The following MED15 variants were observed in gnomAD, a reference collection of about 807,000 sequenced individuals.
MED15 encodes the protein mediator of RNA polymerase II transcription subunit 15.
A neutral mutation model predicts 118.7 loss-of-function variants in MED15; 41 were observed. That is an observed-to-expected ratio of 0.35 (90% CI 0.27 to 0.45). The LOEUF is 0.45. MED15 is among the 20% of genes least tolerant of loss of function. MED15 has a pLI of 1.00. For synonymous variants in MED15, 436 were observed against 413.9 expected (o/e 1.05, Z -0.65); for missense variants, 740 against 1,025.5 (o/e 0.72, Z 3.80).
chr22:20,568,669 C>G, intron 8 of MED15, 38 bp downstream of exon 8: 1 of 1,601,634 alleles, frequency 6.2e-7, no homozygotes, highest in South Asian at 1.1e-5. Flanking sequence ...TAGTCATCAG[C>G]AGGTGCATGT....
intron 5 of MED15, among the ~76,000 whole-genome samples, chr22:20,563,444 ATAT>A (rs1366744267): frequency 1.3e-5 from 2 of 152,236 alleles, no homozygotes; most frequent in African/African-American, 2.4e-5. Context: ...CATTTTTGAA[ATAT>A]TATGTATAAT....
intron 2 of MED15, among the ~76,000 whole-genome samples, chr22:20,544,089 G>A (rs1460887014): frequency 6.6e-6 from 1 of 152,094 alleles, no homozygotes; most frequent in African/African-American, 2.4e-5. Flanking sequence ...GTTTTTGATA[G>A]TATATGTATT....
chr22:20,564,787 G>A (rs373983131), intron 6 of MED15, 99 bp downstream of exon 6: 18 of 1,564,230 alleles, frequency 1.2e-5, no homozygotes, highest in African/African-American at 1.4e-5. Flanking sequence ...GGAGCCAGCC[G>A]AGGGTTCTCT....
intron 8 of MED15, 57 bp downstream of exon 8, chr22:20,568,688 G>C (rs2056532608): frequency 1.3e-6 from 2 of 1,580,750 alleles, no homozygotes; most frequent in African/African-American, 2.7e-5. Flanking sequence ...GTTCACCTGC[G>C]CATGTAGTGC....
At chr22:20,575,908 C>CGTGGCCAAT (rs1299794374) in intron 9 of MED15, among the ~76,000 whole-genome samples, 2 of 152,274 alleles carry the variant, frequency 1.3e-5, no homozygotes, top group African/African-American at 4.8e-5. Flanking sequence ...GACTCCAGAA[C>CGTGGCCAAT]GTGGCCAATG....
At chr22:20,515,274 A>C (rs1601439209) in intron 1 of MED15, among the ~76,000 whole-genome samples, 1 of 152,298 alleles carries the variant, frequency 6.6e-6, no homozygotes, top group Middle Eastern at 3.4e-3. Flanking sequence ...TTGTCAGTAG[A>C]TGTACATGTT....
At chr22:20,526,926 G>A (rs1312362004) in intron 1 of MED15, among the ~76,000 whole-genome samples, 1 of 152,174 alleles carries the variant, frequency 6.6e-6, no homozygotes, top group Non-Finnish European at 1.5e-5. Flanking sequence ...CATTCTGCCA[G>A]CTTCCTGAGA....
intron 3 of MED15, 168 bp from the exon 4 acceptor site, chr22:20,552,977 G>A (rs1030897367): frequency 1.6e-6 from 1 of 620,616 alleles, no homozygotes. Context: ...TCTCTTGTGG[G>A]GTCAGCGCTG....
chr22:20,511,239 C>T (rs1001454277), intron 1 of MED15, among the ~76,000 whole-genome samples: 1 of 151,988 alleles, frequency 6.6e-6, no homozygotes, highest in Non-Finnish European at 1.5e-5. Context: ...CTTGTGGCAC[C>T]GTGACTCACA....
chr22:20,571,556 T>A (rs922504044), intron 8 of MED15, among the ~76,000 whole-genome samples: 8 of 152,262 alleles, frequency 5.3e-5, no homozygotes, highest in African/African-American at 1.9e-4. Context: ...CTTGAAATTC[T>A]GTAACCCGCA....
At chr22:20,531,938 C>G (rs1003653867) in intron 1 of MED15, among the ~76,000 whole-genome samples, 7 of 152,192 alleles carry the variant, frequency 4.6e-5, no homozygotes, top group African/African-American at 1.7e-4. Context: ...AGGCAATGTG[C>G]CAGGTAGTAG....
At chr22:20,557,830 G>T (rs1276211916) in intron 5 of MED15, among the ~76,000 whole-genome samples, 1 of 152,220 alleles carries the variant, frequency 6.6e-6, no homozygotes, top group Non-Finnish European at 1.5e-5. Flanking sequence ...GTGGGGGCTG[G>T]GCACGGTGGC....
chr22:20,531,036 C>T (rs1030275060), intron 1 of MED15, among the ~76,000 whole-genome samples: 1 of 152,132 alleles, frequency 6.6e-6, no homozygotes, highest in Non-Finnish European at 1.5e-5. Context: ...CAGGGCTACC[C>T]GTGAGGTCGG....
rs766068847 is a variant in MED15 at position 20,566,586 on chromosome 22, T to G, written c.810T>G (p.Ile270Met). ...AGGCTTTGCAGGCCCAGCCACCAAT[T>G]CAGCAGCCACCGATGCAGCAGCCAC... Reference protein sequence around the residue: ...QQQALQAQPPIQQPPMQQPQP... With the variant: ...QQQALQAQPPMQQPPMQQPQP... The change falls in exon 7 of 18, where the codon ATT becomes ATG. Residue 270 changes from isoleucine (I) to methionine (M), a missense_variant. By Grantham distance (10) the Ile-to-Met change is conservative. This residue lies in a region of MED15 where 384 missense variants were observed against 506.3 expected (regional missense o/e 0.76). Coordinates refer to ENST00000263205, the MANE Select transcript of MED15 (RefSeq NM_001003891.3). The G allele has an allele frequency of 2.5e-6, 4 of 1,613,442 alleles. No individual in the cohort carries two copies. Among genetic ancestry groups the G allele is most frequent in the East Asian group, 2.2e-5 (1 of 44,868 alleles).
chr22:20,579,316 A>T (rs1349003088), intron 9 of MED15, among the ~76,000 whole-genome samples: 1 of 152,156 alleles, frequency 6.6e-6, no homozygotes, highest in African/African-American at 2.4e-5. Context: ...ACACCTGGGC[A>T]CAGGGCCTGG....
At chr22:20,582,535 C>T (rs539857070) in intron 9 of MED15, 76 bp from the exon 10 acceptor site, 60 of 1,531,600 alleles carry the variant, frequency 3.9e-5, no homozygotes, top group East Asian at 3.9e-4. Context: ...TGGGCCTATG[C>T]GTGCGGTGGG....
In MED15 at chr22:20,523,791, G is replaced by A. The variant is rs746714493; in HGVS notation, c.69-13326G>A. On this transcript the variant is annotated intron_variant, in intron 1 of 17. Coordinates refer to ENST00000263205, the MANE Select transcript of MED15 (RefSeq NM_001003891.3). ...AGATTGGAGTATGTGAAGGAAGCTCGTGTATTCTTCTGAACTAGCTTAGAC... is the reference window on the plus strand; with the variant it reads ...AGATTGGAGTATGTGAAGGAAGCTCATGTATTCTTCTGAACTAGCTTAGAC... The A allele has an allele frequency of 5.0e-5, 49 of 985,324 alleles. 1 individual carries two copies. The Admixed American group carries it at 1.8e-3, about 37-fold the overall frequency. 61.0% of individuals were successfully genotyped at this position (985,324 alleles called of 1,614,324 possible).
chr22:20,581,529 G>A (rs961988881), intron 9 of MED15, among the ~76,000 whole-genome samples: 3 of 152,164 alleles, frequency 2.0e-5, no homozygotes, highest in Non-Finnish European at 2.9e-5. Context: ...TAGGCAGACT[G>A]TGAGGGGATG....
At chr22:20,564,000 A>T (rs1216477154) in intron 5 of MED15, among the ~76,000 whole-genome samples, 1 of 152,232 alleles carries the variant, frequency 6.6e-6, no homozygotes, top group East Asian at 1.9e-4. Flanking sequence ...GTGTAGTAGA[A>T]TATTATTTGG....
Sources: allele counts gnomAD v4.1 joint callset (sites outside exome capture counted in the v4.1 genomes callset), GRCh38; gene constraint gnomAD v4.1.1; regional missense constraint gnomAD v4.1.1; transcripts MANE v1.5; gene names NCBI Gene and HGNC (gene_info 2026-07-23, HGNC 2026-07-21).